The following PDCL2 variants were observed in gnomAD, a reference collection of about 807,000 sequenced individuals.
The protein encoded by PDCL2 is phosducin-like protein 2.
In PDCL2, 23 loss-of-function variants were observed where a neutral mutation model predicts 30.3. That is an observed-to-expected ratio of 0.76 (90% CI 0.55 to 1.08). The LOEUF is 1.08. Among genes scored for constraint, PDCL2 ranks in the 50% least tolerant of loss-of-function variants. The pLI is 0.00. For synonymous variants in PDCL2, 68 were observed against 86.2 expected (o/e 0.79, Z 1.17); for missense variants, 243 against 282.3 (o/e 0.86, Z 1.00).
intron 3 of PDCL2, among the ~76,000 whole-genome samples, chr4:55,571,832 A>G (rs1352047092): frequency 1.3e-5 from 2 of 151,434 alleles, no homozygotes; most frequent in East Asian, 3.9e-4. Context: ...GACCTCTCAT[A>G]GTTTTCAAAT....
chr4:55,585,687 A>G (rs1732844348), intron 1 of PDCL2, among the ~76,000 whole-genome samples: 1 of 152,170 alleles, frequency 6.6e-6, no homozygotes, highest in Non-Finnish European at 1.5e-5. Flanking sequence ...CTTTTCGTTG[A>G]TGGGAGCCTT....
intron 3 of PDCL2, among the ~76,000 whole-genome samples, chr4:55,574,783 T>C (rs1732520084): frequency 6.6e-6 from 1 of 152,240 alleles, no homozygotes; most frequent in East Asian, 1.9e-4. Context: ...ATATTGGTAC[T>C]TCATTTCATT....
intron 3 of PDCL2, among the ~76,000 whole-genome samples, chr4:55,579,621 A>C (rs1384450744): frequency 1.3e-5 from 2 of 152,182 alleles, no homozygotes; most frequent in African/African-American, 4.8e-5. Flanking sequence ...CCTGCCTCAG[A>C]AAGATCTGAG....
At chr4:55,584,417 C>T (rs532570986) in intron 1 of PDCL2, among the ~76,000 whole-genome samples, 43 of 152,060 alleles carry the variant, frequency 2.8e-4, no homozygotes, top group South Asian at 8.3e-4. Context: ...CCACCTCGCC[C>T]GGCTAATTTT....
intron 4 of PDCL2, among the ~76,000 whole-genome samples, chr4:55,567,861 G>A (rs913536457): frequency 6.6e-6 from 1 of 152,088 alleles, no homozygotes; most frequent in African/African-American, 2.4e-5. Context: ...CCTCACTTTG[G>A]CTCAAGTAAA....
intron 2 of PDCL2, 61 bp from the exon 3 acceptor site, chr4:55,580,972 A>C: frequency 1.6e-6 from 2 of 1,241,430 alleles, no homozygotes; most frequent in Non-Finnish European, 1.1e-6. Flanking sequence ...TATACAGTCA[A>C]TGTCTAGAAA....
At chr4:55,591,490 G>A (rs905395375) in intron 1 of PDCL2, among the ~76,000 whole-genome samples, 3 of 152,172 alleles carry the variant, frequency 2.0e-5, no homozygotes, top group Non-Finnish European at 2.9e-5. Flanking sequence ...TGGTTCAAGC[G>A]ATTCTCCTGC....
At chr4:55,576,914 T>C (rs1269115034) in intron 3 of PDCL2, among the ~76,000 whole-genome samples, 1 of 151,964 alleles carries the variant, frequency 6.6e-6, no homozygotes, top group East Asian at 1.9e-4. Flanking sequence ...TTTTTTTTTT[T>C]TGAGACGGAG....
At chr4:55,580,976 C>A in intron 2 of PDCL2, 65 bp from the exon 3 acceptor site, 1 of 1,163,192 alleles carries the variant, frequency 8.6e-7, no homozygotes, top group South Asian at 1.5e-5. Context: ...CAGTCAATGT[C>A]TAGAAAAAAA....
chr4:55,587,864 T>C (rs909525229), intron 1 of PDCL2, among the ~76,000 whole-genome samples: 1 of 151,976 alleles, frequency 6.6e-6, no homozygotes, highest in Non-Finnish European at 1.5e-5. Context: ...ACACTTGTCT[T>C]TTCATTCTCT....
At chr4:55,563,717 C>T (rs986104727) in intron 4 of PDCL2, among the ~76,000 whole-genome samples, 1 of 152,160 alleles carries the variant, frequency 6.6e-6, no homozygotes, top group African/African-American at 2.4e-5. Context: ...CTTGAGGCTA[C>T]AGAAAGAATG....
intron 1 of PDCL2, among the ~76,000 whole-genome samples, chr4:55,583,458 TG>T (rs909482328): frequency 3.9e-5 from 6 of 152,174 alleles, no homozygotes; most frequent in African/African-American, 1.2e-4. Flanking sequence ...TGACTGAGCT[TG>T]GGGGATTAAA....
chr4:55,579,073 T>C (rs910312786), intron 3 of PDCL2, among the ~76,000 whole-genome samples: 1 of 152,224 alleles, frequency 6.6e-6, no homozygotes, highest in East Asian at 1.9e-4. Flanking sequence ...TTTATAAATT[T>C]ATTTCATTAT....
intron 5 of PDCL2, 122 bp downstream of exon 5, chr4:55,562,282 A>T (rs1194898292): frequency 2.0e-6 from 1 of 512,554 alleles, no homozygotes; most frequent in Non-Finnish European, 3.2e-6. Context: ...ATCTGGAGGC[A>T]TATAAAAAGA....
chr4:55,590,526 A>G (rs2110171321), intron 1 of PDCL2, among the ~76,000 whole-genome samples: 1 of 147,250 alleles, frequency 6.8e-6, no homozygotes, highest in East Asian at 2.0e-4. Flanking sequence ...TTGCTCTGTC[A>G]CCCAGGCTGG....
At chr4:55,563,623 C>G (rs1732188657) in intron 4 of PDCL2, among the ~76,000 whole-genome samples, 1 of 152,198 alleles carries the variant, frequency 6.6e-6, no homozygotes, top group Admixed American at 6.5e-5. Flanking sequence ...AAAAGGCACA[C>G]AAGTTTATTA....
intron 4 of PDCL2, among the ~76,000 whole-genome samples, chr4:55,567,368 A>G (rs901139765): frequency 3.9e-5 from 6 of 151,986 alleles, no homozygotes; most frequent in African/African-American, 1.4e-4. Flanking sequence ...CCCCATTTCT[A>G]CAAAAAAATT....
At chr4:55,584,628 G>A (rs777896134) in intron 1 of PDCL2, among the ~76,000 whole-genome samples, 6 of 152,054 alleles carry the variant, frequency 3.9e-5, no homozygotes, top group Non-Finnish European at 8.8e-5. Context: ...AGTTCTAACA[G>A]TTTTTTTGGT....
At chr4:55,581,337 C>A (rs1732708286) in intron 2 of PDCL2, among the ~76,000 whole-genome samples, 1 of 151,828 alleles carries the variant, frequency 6.6e-6, no homozygotes, top group Non-Finnish European at 1.5e-5. Flanking sequence ...AAACATAAAG[C>A]AGCCAGCCAC....
Sources: gnomAD v4.1 joint callset for allele counts (sites outside exome capture counted in the v4.1 genomes callset) on GRCh38, gnomAD v4.1.1 for gene constraint, MANE v1.5 for transcripts, NCBI Gene and HGNC (gene_info 2026-07-23, HGNC 2026-07-21) for gene names.